Variants in TRPM3 observed in about 807,000 individuals in gnomAD.
TRPM3 encodes transient receptor potential cation channel subfamily M member 3.
A neutral mutation model predicts 181.2 loss-of-function variants in TRPM3; 77 were observed. The observed-to-expected ratio is 0.42, with a 90% confidence interval of 0.35 to 0.51. The LOEUF (loss-of-function observed/expected upper bound fraction) is 0.51. Ranked by LOEUF, TRPM3 falls within the 20% of genes least tolerant of loss-of-function variation. The pLI is 0.01. For synonymous variants in TRPM3, 745 were observed against 796.4 expected (o/e 0.94, Z 1.09); for missense variants, 1,759 against 2,196.7 (o/e 0.80, Z 3.98).
chr9:70,761,555 G>A (rs1300256705), intron 8 of TRPM3, 46 bp downstream of exon 8: 1 of 1,613,444 alleles, frequency 6.2e-7, no homozygotes, highest in Non-Finnish European at 8.5e-7. Context: ...TCAAGAAAAT[G>A]ACTGAAAATG....
intron 1 of TRPM3, among the ~76,000 whole-genome samples, chr9:71,231,389 G>A (rs1056635377): frequency 2.0e-5 from 3 of 152,102 alleles, no homozygotes; most frequent in African/African-American, 7.2e-5. Context: ...TTTTGAATAT[G>A]GAACCACACC....
chr9:71,112,532 A>G (rs1229576536), intron 1 of TRPM3, among the ~76,000 whole-genome samples: 1 of 152,118 alleles, frequency 6.6e-6, no homozygotes, highest in East Asian at 1.9e-4. Flanking sequence ...ACCCTATAAT[A>G]CCATTTGGTT....
chr9:70,760,331 G>A (rs1322096939), intron 8 of TRPM3, among the ~76,000 whole-genome samples: 1 of 150,870 alleles, frequency 6.6e-6, no homozygotes, highest in Non-Finnish European at 1.5e-5. Context: ...CCCTACTGTG[G>A]CATGTAGAAG....
At chr9:71,310,599 C>T (rs2087832371) in intron 1 of TRPM3, among the ~76,000 whole-genome samples, 1 of 152,098 alleles carries the variant, frequency 6.6e-6, no homozygotes, top group Admixed American at 6.6e-5. Context: ...CACCAGAGCA[C>T]ATCTTCTCAC....
At chr9:70,700,662 A>G (rs2072225223) in intron 8 of TRPM3, among the ~76,000 whole-genome samples, 2 of 152,270 alleles carry the variant, frequency 1.3e-5, no homozygotes, top group South Asian at 4.1e-4. Context: ...GATAACTGCC[A>G]TAGAACAATG....
At chr9:70,614,418 T>G (rs2062460409) in intron 18 of TRPM3, among the ~76,000 whole-genome samples, 1 of 151,974 alleles carries the variant, frequency 6.6e-6, no homozygotes, top group Non-Finnish European at 1.5e-5. Flanking sequence ...GAGGATCCCT[T>G]GAATCCCATT....
At chr9:71,151,670 T>C (rs559779932) in intron 1 of TRPM3, among the ~76,000 whole-genome samples, 12 of 152,104 alleles carry the variant, frequency 7.9e-5, no homozygotes, top group Admixed American at 6.6e-4. Flanking sequence ...CTTTGCATCA[T>C]TGTTTATATC....
At chr9:71,094,821 C>T (rs1334589231) in intron 1 of TRPM3, among the ~76,000 whole-genome samples, 2 of 152,054 alleles carry the variant, frequency 1.3e-5, no homozygotes, top group East Asian at 1.9e-4. Flanking sequence ...TAATCATTTA[C>T]ATCATTAAAG....
intron 1 of TRPM3, among the ~76,000 whole-genome samples, chr9:71,243,152 C>T (rs1244924950): frequency 5.9e-5 from 9 of 152,178 alleles, no homozygotes; most frequent in African/African-American, 2.2e-4. Context: ...AGTGATTCTC[C>T]TATCTCAGCC....
intron 1 of TRPM3, among the ~76,000 whole-genome samples, chr9:70,885,271 C>T (rs143090851): frequency 3.3e-5 from 5 of 152,178 alleles, no homozygotes; most frequent in African/African-American, 9.6e-5. Context: ...CTGTCTTGTG[C>T]CTTGTAGAAT....
chr9:71,055,963 G>T (rs1464145403), intron 1 of TRPM3, among the ~76,000 whole-genome samples: 1 of 151,756 alleles, frequency 6.6e-6, no homozygotes, highest in Non-Finnish European at 1.5e-5. Flanking sequence ...CATGTATTGG[G>T]CACCTGCTAT....
intron 1 of TRPM3, among the ~76,000 whole-genome samples, chr9:71,314,296 C>T (rs902916476): frequency 4.6e-5 from 7 of 152,110 alleles, no homozygotes; most frequent in African/African-American, 1.7e-4. Context: ...AAAAATATCA[C>T]ATAAATTGAT....
At chr9:70,794,943 T>C (rs1310917400) in intron 6 of TRPM3, among the ~76,000 whole-genome samples, 2 of 152,182 alleles carry the variant, frequency 1.3e-5, no homozygotes, top group Admixed American at 1.3e-4. Context: ...ATCAAAAATA[T>C]TCTGAAAAAA....
At chr9:71,079,794 T>C (rs2063969009) in intron 1 of TRPM3, among the ~76,000 whole-genome samples, 1 of 152,134 alleles carries the variant, frequency 6.6e-6, no homozygotes, top group South Asian at 2.1e-4. Context: ...AAGGCTCCTA[T>C]ATCCTGAAAT....
At chr9:71,277,541 T>A (rs1314583601) in intron 1 of TRPM3, among the ~76,000 whole-genome samples, 1 of 152,122 alleles carries the variant, frequency 6.6e-6, no homozygotes, top group Non-Finnish European at 1.5e-5. Flanking sequence ...CTAATTTTTT[T>A]TAACTGATTT....
At chr9:70,741,046 T>G (rs2073974916) in intron 8 of TRPM3, among the ~76,000 whole-genome samples, 1 of 152,160 alleles carries the variant, frequency 6.6e-6, no homozygotes, top group African/African-American at 2.4e-5. Flanking sequence ...GAGAAAATCT[T>G]TGCAGTTTAT....
intron 22 of TRPM3, among the ~76,000 whole-genome samples, chr9:70,568,356 A>C (rs1305333247): frequency 6.6e-6 from 1 of 152,236 alleles, no homozygotes; most frequent in African/African-American, 2.4e-5. Flanking sequence ...ATCAAATTCT[A>C]TGCCAAGCGC....
intron 1 of TRPM3, among the ~76,000 whole-genome samples, chr9:70,929,350 C>T (rs144489480): frequency 2.6e-5 from 4 of 151,802 alleles, no homozygotes; most frequent in Admixed American, 6.6e-5. Context: ...CACAGGTGCC[C>T]GCCACCATGC....
At chr9:71,179,901 C>T (rs2077299803) in intron 1 of TRPM3, among the ~76,000 whole-genome samples, 1 of 152,044 alleles carries the variant, frequency 6.6e-6, no homozygotes, top group Admixed American at 6.6e-5. Context: ...GCAGGACCCA[C>T]CATATGGCAT....
Sources: gnomAD v4.1 joint callset for allele counts (sites outside exome capture counted in the v4.1 genomes callset) on GRCh38, gnomAD v4.1.1 for gene constraint, MANE v1.5 for transcripts, NCBI Gene and HGNC (gene_info 2026-07-23, HGNC 2026-07-21) for gene names.